The following ABI3BP variants were observed in gnomAD, a reference collection of about 807,000 sequenced individuals.
ABI3BP encodes target of Nesh-SH3.
ABI3BP carries 216 observed loss-of-function variants against 268.6 expected under a neutral mutation model. The ratio of observed to expected loss-of-function variants is 0.80; its 90% confidence interval spans 0.72 to 0.90. The LOEUF (loss-of-function observed/expected upper bound fraction) is 0.90, where lower values mean the gene tolerates loss of function less well. Ranked by LOEUF, ABI3BP falls within the 40% of genes least tolerant of loss-of-function variation. The pLI is 0.00. For missense variants in ABI3BP, 2,090 were observed against 2,182.4 expected (o/e 0.96, Z 0.84); for synonymous variants, 730 against 730.0 (o/e 1.00, Z 0.00).
intron 22 of ABI3BP, 76 bp from the exon 23 acceptor site, chr3:100,840,240 A>G (rs1363855885): frequency 4.4e-6 from 5 of 1,145,366 alleles, no homozygotes; most frequent in Non-Finnish European, 6.0e-6. Flanking sequence ...CATCCATCTT[A>G]GAAGGACATT....
chr3:100,792,236 T>G (rs2097215425), intron 55 of ABI3BP, among the ~76,000 whole-genome samples: 1 of 151,942 alleles, frequency 6.6e-6, no homozygotes, highest in Non-Finnish European at 1.5e-5. Context: ...AAATGATTTT[T>G]CTTTTTAATA....
intron 2 of ABI3BP, among the ~76,000 whole-genome samples, chr3:100,902,950 A>G (rs945278982): frequency 1.3e-5 from 2 of 152,224 alleles, no homozygotes; most frequent in Non-Finnish European, 2.9e-5. Flanking sequence ...CACAGATTTT[A>G]AACGCTGTCT....
chr3:100,841,137 C>T (rs1483807224), intron 21 of ABI3BP, among the ~76,000 whole-genome samples: 1 of 143,410 alleles, frequency 7.0e-6, no homozygotes, highest in African/African-American at 2.6e-5. Context: ...ATAAAGTAAC[C>T]AGCAGTTCAT....
At chr3:100,788,262 T>A (rs1329204439) in intron 56 of ABI3BP, among the ~76,000 whole-genome samples, 1 of 152,170 alleles carries the variant, frequency 6.6e-6, no homozygotes, top group Non-Finnish European at 1.5e-5. Flanking sequence ...ATTATACTAG[T>A]CCTTTCACAA....
intron 9 of ABI3BP, 62 bp downstream of exon 9, chr3:100,874,779 T>C (rs1468029280): frequency 2.0e-6 from 2 of 989,146 alleles, no homozygotes; most frequent in Non-Finnish European, 3.0e-6. Flanking sequence ...TTGGATTTCC[T>C]AAGAATATCA....
At chr3:100,778,590 T>C in intron 58 of ABI3BP, 1 of 545,384 alleles carries the variant, frequency 1.8e-6, no homozygotes, top group Non-Finnish European at 3.2e-6. Flanking sequence ...CGCACTGTAG[T>C]ATATAGAAAA....
intron 2 of ABI3BP, chr3:100,911,581 C>T (rs2056509890): frequency 1.5e-6 from 1 of 660,814 alleles, no homozygotes; most frequent in Non-Finnish European, 2.8e-6. Flanking sequence ...GATCCATCTT[C>T]TTCAAAAAAT....
chr3:100,818,449 A>C (rs2098119736), intron 41 of ABI3BP, 76 bp downstream of exon 41: 2 of 1,216,352 alleles, frequency 1.6e-6, no homozygotes, highest in Non-Finnish European at 1.2e-6. Context: ...TGGTCTTATG[A>C]TGAAGAAGAA....
rs1287207162 is a variant in ABI3BP, at chr3:100,778,396, A to T, written c.4241-20T>A. On this transcript the variant is annotated intron_variant, in intron 58 of 67. Transcript: ENST00000471714. Reference sequence around the variant, plus strand: ...GAGTCCCTGGGATTGTGGATAAGAGATTGTATTTTAGATAAAGCCATCATA... The same window carrying T: ...GAGTCCCTGGGATTGTGGATAAGAGTTTGTATTTTAGATAAAGCCATCATA... 5.6e-6 allele frequency: 9 copies of T among 1,597,172 alleles called. No homozygotes were observed. The highest frequency in any genetic ancestry group is 7.7e-6 in the Non-Finnish European group (9 of 1,168,030).
chr3:100,804,935 A>G (rs373013791), intron 50 of ABI3BP, 69 bp from the exon 51 acceptor site: 8 of 1,288,832 alleles, frequency 6.2e-6, no homozygotes, highest in Non-Finnish European at 7.9e-6. Flanking sequence ...AAAACATAAG[A>G]CATGTCAAGG....
intron 58 of ABI3BP, 102 bp downstream of exon 58, chr3:100,780,030 G>T: frequency 1.0e-6 from 1 of 973,796 alleles, no homozygotes; most frequent in Non-Finnish European, 1.6e-6. Context: ...ATACTTCGGG[G>T]GCTGTGTGGA....
At chr3:100,952,147 G>A (rs988627931) in intron 1 of ABI3BP, among the ~76,000 whole-genome samples, 2 of 151,982 alleles carry the variant, frequency 1.3e-5, no homozygotes, top group Non-Finnish European at 2.9e-5. Flanking sequence ...TTAAATTTTG[G>A]CCAAAACTAT....
intron 34 of ABI3BP, among the ~76,000 whole-genome samples, chr3:100,828,047 A>G (rs1419555541): frequency 1.3e-5 from 2 of 152,134 alleles, no homozygotes; most frequent in East Asian, 1.9e-4. Flanking sequence ...CCAAAAAAGG[A>G]AAAAAATAAA....
In ABI3BP at chr3:100,841,964, C is replaced by T. The variant is rs534802431; in HGVS notation, c.1765+34G>A. 28 of 1,447,512 alleles carry T rather than the reference C, an allele frequency of 1.9e-5. No homozygotes were observed. In the South Asian group the frequency reaches 3.0e-4, roughly 16 times the overall value. The allele number at this position is 1,447,512 out of a possible 1,614,324, so 89.7% of individuals were successfully genotyped here. A position where few individuals can be genotyped will look rare whatever the true frequency, so the allele number is the denominator to read the frequency against. On this transcript the variant is annotated intron_variant, in intron 21 of 67. Coordinates refer to ENST00000471714, the MANE Select transcript of ABI3BP (RefSeq NM_001375547.2). Reference sequence around the variant, plus strand: ...TTGAACATGGAGAGTGTTAAAGATACTTTGTTTTCACTCATTAAAAAAAGC... The same window carrying T: ...TTGAACATGGAGAGTGTTAAAGATATTTTGTTTTCACTCATTAAAAAAAGC...
chr3:100,960,654 G>A (rs564422794), intron 1 of ABI3BP, among the ~76,000 whole-genome samples: 13 of 152,294 alleles, frequency 8.5e-5, no homozygotes, highest in East Asian at 3.9e-4. Flanking sequence ...CAGAAAGGAC[G>A]TCAGAGAGAT....
chr3:100,829,758 A>G, intron 32 of ABI3BP, 94 bp from the exon 33 acceptor site: 3 of 1,018,282 alleles, frequency 2.9e-6, no homozygotes, highest in Non-Finnish European at 2.9e-6. Context: ...CTTCCAAGAA[A>G]TGTTTCTTTT....
intron 67 of ABI3BP, 21 bp from the exon 68 acceptor site, chr3:100,750,631 A>AT (rs1242166691): frequency 1.3e-6 from 2 of 1,558,728 alleles, no homozygotes; most frequent in Admixed American, 3.4e-5. Flanking sequence ...AAATAGTTTC[A>AT]TTTTAATAGC....
intron 12 of ABI3BP, 50 bp downstream of exon 12, chr3:100,863,952 C>CA (rs1207505531): frequency 8.0e-7 from 1 of 1,249,556 alleles, no homozygotes; most frequent in Admixed American, 2.0e-5. Context: ...TTGAAGCATG[C>CA]ATACAATATC....
In ABI3BP at chr3:100,898,752, C is replaced by T. The variant is rs2048836273; in HGVS notation, c.461+10G>A. The stretch of plus-strand genomic sequence containing the variant: ...GTACAGATGCTATTAAAAGCAAATG[C>T]TAATATTACCTGTCATTGGGACAGT... On this transcript the variant is annotated intron_variant, in intron 4 of 67. Transcript: ENST00000471714. 2 of 1,611,854 alleles carry T rather than the reference C, an allele frequency of 1.2e-6. No homozygotes were observed. Among genetic ancestry groups the T allele is most frequent in the Non-Finnish European group, 1.7e-6 (2 of 1,178,958 alleles).
Sources: allele counts gnomAD v4.1 joint callset (sites outside exome capture counted in the v4.1 genomes callset), GRCh38; gene constraint gnomAD v4.1.1; transcripts MANE v1.5; gene names NCBI Gene and HGNC (gene_info 2026-07-23, HGNC 2026-07-21).